The following GNS variants were observed in gnomAD, a reference collection of about 807,000 sequenced individuals.
GNS encodes N-acetylglucosamine-6-sulfatase.
Under a neutral mutation model 69.7 loss-of-function variants are expected in GNS, and 40 were observed. The observed-to-expected ratio is 0.57, with a 90% CI of 0.45 to 0.75. The LOEUF is 0.75. GNS is among the 30% of genes least tolerant of loss of function. The pLI is 0.00. For synonymous variants in GNS, 243 were observed against 251.6 expected, an observed-to-expected ratio of 0.97 and a Z score of 0.32; for missense variants, 565 against 685.5, an observed-to-expected ratio of 0.82 and a Z score of 1.96.
chr12:64,744,978 G>T, intron 4 of GNS, 71 bp from the exon 5 acceptor site: 1 of 763,532 alleles, frequency 1.3e-6, no homozygotes, highest in Non-Finnish European at 2.4e-6. Flanking sequence ...TCCGTGCTGG[G>T]CTAAACTCTA....
intron 9 of GNS, among the ~76,000 whole-genome samples, chr12:64,736,051 C>CTTT (rs1869547151): frequency 2.0e-5 from 3 of 152,212 alleles, no homozygotes; most frequent in Admixed American, 1.3e-4. Flanking sequence ...GCAATTTTAG[C>CTTT]TTAAAGTGTG....
At chr12:64,752,258 C>A (rs1325453962) in intron 2 of GNS, among the ~76,000 whole-genome samples, 2 of 152,142 alleles carry the variant, frequency 1.3e-5, no homozygotes, top group Non-Finnish European at 1.5e-5. Context: ...TCCTAGACTA[C>A]CATTCACTTG....
At position 64,742,271 on chromosome 12, in the gene GNS, T is replaced by C. The variant is rs184181317; in HGVS notation, c.792+870A>G. Among the ~76,000 whole-genome samples, 248 of 152,272 alleles carry C rather than the reference T, an allele frequency of 1.6e-3. No homozygotes were observed. In the Middle Eastern group the frequency reaches 0.017, roughly 10 times the overall value. On this transcript the variant is annotated intron_variant, in intron 6 of 13. Coordinates refer to ENST00000258145, the MANE Select transcript of GNS (RefSeq NM_002076.4). ...TCCTGACCTCGTGATTCGCCCGCCT[T>C]GGCCTCCCAAAGTGCTGGGATTACA...
chr12:64,725,178 A>T (rs1187246398), intron 10 of GNS, among the ~76,000 whole-genome samples: 1 of 152,216 alleles, frequency 6.6e-6, no homozygotes, highest in East Asian at 1.9e-4. Context: ...ACCAAATTTG[A>T]GACTCATGGT....
At chr12:64,718,984 AT>A (rs2136236129) in intron 13 of GNS, among the ~76,000 whole-genome samples, 1 of 152,324 alleles carries the variant, frequency 6.6e-6, no homozygotes, top group South Asian at 2.1e-4. Flanking sequence ...AATGGTCAAA[AT>A]TCTTGACCAT....
chr12:64,723,190 G>A, intron 10 of GNS, 77 bp from the exon 11 acceptor site: 1 of 904,996 alleles, frequency 1.1e-6, no homozygotes, highest in African/African-American at 1.6e-5. Flanking sequence ...GACTGCTAAA[G>A]GGGACCTGGG....
Position 64,747,531 on chromosome 12 carries a change from T to C in GNS, c.459+181A>G, listed in dbSNP as rs572071968. On this transcript the variant is annotated intron_variant, in intron 3 of 13. Transcript: ENST00000258145. Reference sequence around the variant, plus strand: ...AGTTCTTACCCAAATCATGTAAATATGTACATGTGTACTTATATGAACATA... The same window carrying C: ...AGTTCTTACCCAAATCATGTAAATACGTACATGTGTACTTATATGAACATA... 1.1e-4 allele frequency among the ~76,000 whole-genome samples: 16 copies of C among 152,350 alleles called. No individual in the cohort carries two copies. The East Asian group carries it at 2.7e-3, about 26-fold the overall frequency.
chr12:64,749,917 C>T (rs968006243), intron 2 of GNS, among the ~76,000 whole-genome samples: 12 of 148,862 alleles, frequency 8.1e-5, no homozygotes, highest in Non-Finnish European at 1.0e-4. Flanking sequence ...ACTCTGTCAC[C>T]GAGGATGGAG....
chr12:64,733,672 T>C (rs374874138), intron 9 of GNS, among the ~76,000 whole-genome samples: 4 of 152,182 alleles, frequency 2.6e-5, no homozygotes, highest in Non-Finnish European at 5.9e-5. Flanking sequence ...CACCTGATAA[T>C]GGAGGCTTAA....
intron 9 of GNS, chr12:64,729,303 A>G: frequency 2.1e-6 from 1 of 472,934 alleles, no homozygotes; most frequent in Non-Finnish European, 3.8e-6. Context: ...TATTCTACCC[A>G]TTCTGTTATT....
Position 64,723,093 on chromosome 12 carries a change from G to A in GNS, c.1221C>T (p.Thr407=), listed in dbSNP as rs773323544. The change falls in exon 11 of 14, where the codon ACC becomes ACT. Residue 407 remains threonine (T), a synonymous_variant. Transcript: ENST00000258145. ...LPILRGASNL[T]WRSDVLVEYQ... is the part of the protein sequence containing the mutation. ...ATTCCACCAGGACATCTGATCGCCA[G>A]GTCAAGTTACTGGCACCTCTCTAGA... 21 of 1,609,558 alleles carry A rather than the reference G, an allele frequency of 1.3e-5. No individual in the cohort carries two copies. The highest frequency in any genetic ancestry group is 1.8e-5 in the Non-Finnish European group (21 of 1,175,854).
intron 9 of GNS, among the ~76,000 whole-genome samples, chr12:64,732,591 A>G (rs1343186081): frequency 1.4e-5 from 2 of 146,692 alleles, no homozygotes; most frequent in East Asian, 2.1e-4. Flanking sequence ...CTCCCGAGTA[A>G]CTGGGACTAT....
chr12:64,722,789 A>G (rs975615397), intron 11 of GNS: 9 of 544,664 alleles, frequency 1.7e-5, no homozygotes. Flanking sequence ...CACTTGCTAC[A>G]TAAATTGGAA....
At chr12:64,722,064 G>A (rs1245176) in intron 11 of GNS, among the ~76,000 whole-genome samples, 3 of 150,438 alleles carry the variant, frequency 2.0e-5, no homozygotes, top group Non-Finnish European at 3.0e-5. Context: ...TGCTCTTGTC[G>A]TGCAGGCTAG....
intron 9 of GNS, among the ~76,000 whole-genome samples, chr12:64,731,266 G>A (rs1461457642): frequency 1.3e-5 from 2 of 152,018 alleles, no homozygotes; most frequent in African/African-American, 2.4e-5. Flanking sequence ...TTTATTTTTC[G>A]TAGCAATGCC....
In GNS at chr12:64,714,741, TTC is replaced by T. The variant is rs1371180590; in HGVS notation, c.*1998_*1999del. On this transcript the variant is annotated 3_prime_UTR_variant, in exon 14 of 14. Transcript: ENST00000258145. ...AGTCCAAGACCTGGTAAGAGTTGGT[TTC>T]TTTTTATTTGGAAATAACTATGGTC... 1.3e-5 allele frequency: 2 copies of T among 151,634 alleles called. No homozygotes were observed. Among genetic ancestry groups the T allele is most frequent in the African/African-American group, 4.9e-5 (2 of 40,858 alleles). 9.4% of individuals were successfully genotyped at this position (151,634 alleles called of 1,614,324 possible).
rs674 is a variant in GNS, at chr12:64,716,361, G to A, written c.*380C>T. On this transcript the variant is annotated 3_prime_UTR_variant, in exon 14 of 14. Transcript: ENST00000258145. ...GTCAAGCTTACATATCAAAAGGTGTGTCTGTGTGTTTGTGTGTGTCCTAAA... is the reference window on the plus strand; with the variant it reads ...GTCAAGCTTACATATCAAAAGGTGTATCTGTGTGTTTGTGTGTGTCCTAAA... 193,602 of 308,532 alleles carry A rather than the reference G, an allele frequency of 0.63. 61,965 individuals are homozygous for A. Among genetic ancestry groups the A allele is most frequent in the East Asian group, 0.88 (11,714 of 13,370 alleles). The allele number at this position is 308,532 out of a possible 1,614,324, so 19.1% of individuals were successfully genotyped here.
Position 64,713,569 on chromosome 12 carries a change from G to A in GNS, c.*3172C>T, listed in dbSNP as rs1868774570. The A allele has an allele frequency of 6.6e-6, 1 of 152,626 alleles. No individual in the cohort carries two copies. The highest frequency in any genetic ancestry group is 2.4e-5 in the African/African-American group (1 of 41,448). The allele number at this position is 152,626 out of a possible 1,614,324, so 9.5% of individuals were successfully genotyped here. On this transcript the variant is annotated 3_prime_UTR_variant, in exon 14 of 14. Transcript: ENST00000258145. Reference sequence around the variant, plus strand: ...GAGCAAGGGCAGAATAGGAACAGAGGATGCAAACACAGGAAGTTACAAAAT... The same window carrying A: ...GAGCAAGGGCAGAATAGGAACAGAGAATGCAAACACAGGAAGTTACAAAAT...
At chr12:64,755,918 C>T (rs914604090) in intron 1 of GNS, among the ~76,000 whole-genome samples, 1 of 152,054 alleles carries the variant, frequency 6.6e-6, no homozygotes, top group South Asian at 2.1e-4. Flanking sequence ...CTGTCCACCT[C>T]GGCCTCCCAA....
Sources: allele counts gnomAD v4.1 joint callset (sites outside exome capture counted in the v4.1 genomes callset), GRCh38; gene constraint gnomAD v4.1.1; transcripts MANE v1.5; gene names NCBI Gene and HGNC (gene_info 2026-07-23, HGNC 2026-07-21).